Variants in MITF observed in about 807,000 individuals in gnomAD.
MITF encodes microphthalmia-associated transcription factor.
MITF carries 17 observed loss-of-function variants against 60.5 expected under a neutral mutation model. The ratio of observed to expected loss-of-function variants is 0.28; its 90% confidence interval spans 0.19 to 0.42. MITF has a LOEUF of 0.42. Among genes scored for constraint, MITF ranks in the 10% least tolerant of loss-of-function variants. The probability of loss-of-function intolerance (pLI) is 1.00; values close to 1 mark genes in which losing one functional copy is unlikely to be tolerated. For missense variants in MITF, 622 were observed against 683.5 expected (o/e 0.91, Z 1.00); for synonymous variants, 260 against 248.5 (o/e 1.05, Z -0.43).
chr3:69,819,982 C>G (rs1050309426), intron 1 of MITF, among the ~76,000 whole-genome samples: 39 of 152,000 alleles, frequency 2.6e-4, no homozygotes, highest in Non-Finnish European at 1.5e-5. Context: ...AACAAACAAA[C>G]AAAAACATAA....
chr3:69,819,991 A>T (rs889869125), intron 1 of MITF, among the ~76,000 whole-genome samples: 9 of 152,132 alleles, frequency 5.9e-5, no homozygotes, highest in Non-Finnish European at 1.2e-4. Context: ...ACAAAAACAT[A>T]AAAGCTAGAG....
At chr3:69,843,971 C>A (rs1369407267) in intron 1 of MITF, among the ~76,000 whole-genome samples, 1 of 152,132 alleles carries the variant, frequency 6.6e-6, no homozygotes, top group African/African-American at 2.4e-5. Flanking sequence ...TCAACTCCCA[C>A]TTACGAGTGA....
At position 69,916,450 on chromosome 3, in the gene MITF, T is replaced by A. The variant is rs538660518; in HGVS notation, c.355-21372T>A. 5.9e-5 allele frequency among the ~76,000 whole-genome samples: 9 copies of A among 152,344 alleles called. No individual in the cohort carries two copies. The East Asian group carries it at 1.5e-3, about 26-fold the overall frequency. On this transcript the variant is annotated intron_variant, in intron 2 of 9. Transcript: ENST00000352241. ...TAATAAAATTAGTATACTTGATTTATACCTTTCCTTAATTGACTTAAACAC... is the reference window on the plus strand; with the variant it reads ...TAATAAAATTAGTATACTTGATTTAAACCTTTCCTTAATTGACTTAAACAC...
chr3:69,950,379 G>A (rs2066211720), intron 6 of MITF, among the ~76,000 whole-genome samples: 1 of 150,214 alleles, frequency 6.7e-6, no homozygotes, highest in Admixed American at 6.6e-5. Flanking sequence ...TCATGCTTCT[G>A]TGTGAGGAAA....
chr3:69,859,915 C>T (rs1434454237), intron 1 of MITF, among the ~76,000 whole-genome samples: 1 of 152,156 alleles, frequency 6.6e-6, no homozygotes, highest in Admixed American at 6.5e-5. Flanking sequence ...GTAAAGTCAT[C>T]TTGTGAATAA....
intron 2 of MITF, among the ~76,000 whole-genome samples, chr3:69,908,364 AACT>A (rs1350530607): frequency 6.6e-6 from 1 of 152,192 alleles, no homozygotes; most frequent in African/African-American, 2.4e-5. Context: ...ATAAAAAAAA[AACT>A]CTTCTACATC....
At chr3:69,930,806 A>G (rs776275582) in intron 2 of MITF, among the ~76,000 whole-genome samples, 1 of 152,260 alleles carries the variant, frequency 6.6e-6, no homozygotes, top group African/African-American at 2.4e-5. Context: ...CTCTGCATTT[A>G]ACAAGATCCT....
At chr3:69,804,790 T>A (rs750404403) in intron 1 of MITF, among the ~76,000 whole-genome samples, 60 of 152,332 alleles carry the variant, frequency 3.9e-4, no homozygotes, top group South Asian at 8.3e-4. Flanking sequence ...TGAAGGAAGA[T>A]CTGGGAGTTG....
chr3:69,871,044 A>G (rs1340706096), intron 1 of MITF, among the ~76,000 whole-genome samples: 1 of 152,184 alleles, frequency 6.6e-6, no homozygotes, highest in African/African-American at 2.4e-5. Context: ...GGGTTAGTCC[A>G]GGGCTATCAT....
intron 1 of MITF, among the ~76,000 whole-genome samples, chr3:69,786,850 A>G (rs1000219470): frequency 2.6e-5 from 4 of 152,204 alleles, no homozygotes; most frequent in African/African-American, 9.6e-5. Context: ...AAGGAGATTT[A>G]TTCATTCATT....
At chr3:69,801,208 G>T (rs762154200) in intron 1 of MITF, among the ~76,000 whole-genome samples, 10 of 151,862 alleles carry the variant, frequency 6.6e-5, no homozygotes, top group Non-Finnish European at 1.5e-4. Context: ...CCATTGTTTC[G>T]AGTGGCTAAA....
intron 1 of MITF, among the ~76,000 whole-genome samples, chr3:69,825,954 T>C (rs1248461589): frequency 6.6e-6 from 1 of 152,206 alleles, no homozygotes; most frequent in Non-Finnish European, 1.5e-5. Flanking sequence ...AAATATGATA[T>C]ATACTTTAAA....
At chr3:69,960,843 A>G (rs2066524187) in intron 9 of MITF, among the ~76,000 whole-genome samples, 1 of 152,038 alleles carries the variant, frequency 6.6e-6, no homozygotes, top group Admixed American at 6.6e-5. Flanking sequence ...GAATGCTTAT[A>G]TTTTGAAATG....
At chr3:69,919,682 A>G (rs2065418218) in intron 2 of MITF, among the ~76,000 whole-genome samples, 1 of 152,362 alleles carries the variant, frequency 6.6e-6, no homozygotes, top group African/African-American at 2.4e-5. Flanking sequence ...ATACTTGAAG[A>G]GCAATTAGAA....
intron 1 of MITF, among the ~76,000 whole-genome samples, chr3:69,794,874 T>A (rs2062803129): frequency 6.6e-6 from 1 of 152,266 alleles, no homozygotes; most frequent in Non-Finnish European, 1.5e-5. Context: ...TGTTCTTTGG[T>A]GACTAGCTTT....
chr3:69,813,381 C>G (rs2063131009), intron 1 of MITF, among the ~76,000 whole-genome samples: 1 of 152,174 alleles, frequency 6.6e-6, no homozygotes, highest in South Asian at 2.1e-4. Context: ...ATTCTCAGTA[C>G]CTTTGGGCAT....
At chr3:69,962,087 A>T (rs1490044809) in intron 9 of MITF, among the ~76,000 whole-genome samples, 1 of 152,242 alleles carries the variant, frequency 6.6e-6, no homozygotes, top group African/African-American at 2.4e-5. Flanking sequence ...TTTTAATTAG[A>T]CAACAAAGGA....
At chr3:69,842,600 G>A (rs564000964) in intron 1 of MITF, among the ~76,000 whole-genome samples, 4 of 152,306 alleles carry the variant, frequency 2.6e-5, no homozygotes, top group African/African-American at 9.6e-5. Flanking sequence ...TGTGTGCTTG[G>A]TGCAGCTGGG....
intron 2 of MITF, among the ~76,000 whole-genome samples, chr3:69,933,556 C>T (rs2107465897): frequency 6.6e-6 from 1 of 152,194 alleles, no homozygotes; most frequent in South Asian, 2.1e-4. Context: ...TACAGGAGTG[C>T]TAACAATGAA....
Sources: allele counts gnomAD v4.1 joint callset (sites outside exome capture counted in the v4.1 genomes callset), GRCh38; gene constraint gnomAD v4.1.1; transcripts MANE v1.5; gene names NCBI Gene and HGNC (gene_info 2026-07-23, HGNC 2026-07-21).